The following PDE1C variants were observed in gnomAD, a reference collection of about 807,000 sequenced individuals.
PDE1C encodes phosphodiesterase 1C.
In PDE1C, 62 loss-of-function variants were observed where a neutral mutation model predicts 93.1. The ratio of observed to expected loss-of-function variants is 0.67; its 90% CI spans 0.54 to 0.82. PDE1C has a LOEUF of 0.82. Among genes scored for constraint, PDE1C ranks in the 40% least tolerant of loss-of-function variants. The pLI is 0.00. For missense variants in PDE1C, 742 were observed against 884.6 expected, an observed-to-expected ratio of 0.84 and a Z score of 2.04; for synonymous variants, 325 against 310.1, an observed-to-expected ratio of 1.05 and a Z score of -0.50.
rs1472277176 is a variant in PDE1C, at chr7:32,222,911, G to T, written c.86-13372C>A. ...ACAAAATTCATCAGGACAAAAATGTGACAGTACCCTTGTTTCTATTCTTTC... is the reference window on the plus strand; with the variant it reads ...ACAAAATTCATCAGGACAAAAATGTTACAGTACCCTTGTTTCTATTCTTTC... On this transcript the variant is annotated intron_variant, in intron 1 of 18. Coordinates refer to the PDE1C transcript ENST00000396193. Among the ~76,000 whole-genome samples the T allele has an allele frequency of 2.6e-5, 4 of 152,102 alleles. No individual in the cohort carries two copies. In the East Asian group the frequency reaches 7.7e-4, roughly 29 times the overall value.
the PDE1C span, among the ~76,000 whole-genome samples, chr7:31,663,801 A>G: frequency 1.3e-5 from 2 of 152,156 alleles, no homozygotes; most frequent in Admixed American, 6.5e-5. Flanking sequence ...TAAGTTCTTT[A>G]TATGCATAAT....
At chr7:32,225,563 C>A (rs1390064279) in intron 1 of PDE1C, among the ~76,000 whole-genome samples, 2 of 152,078 alleles carry the variant, frequency 1.3e-5, no homozygotes, top group Non-Finnish European at 2.9e-5. Context: ...GAGATTGGAA[C>A]AAGACCCTGA....
intron 3 of PDE1C, among the ~76,000 whole-genome samples, chr7:32,157,027 C>T (rs188717224): frequency 1.5e-3 from 226 of 152,230 alleles, no homozygotes; most frequent in Non-Finnish European, 2.1e-3. Context: ...ATGTAGTATC[C>T]CTGTCAAATG....
chr7:31,830,852 T>C (rs1222380495), intron 11 of PDE1C, among the ~76,000 whole-genome samples: 4 of 152,336 alleles, frequency 2.6e-5, no homozygotes, highest in South Asian at 2.1e-4. Flanking sequence ...GAATACGGTC[T>C]AAAATCATTG....
intron 2 of PDE1C, among the ~76,000 whole-genome samples, chr7:32,020,095 G>A (rs534681521): frequency 5.9e-5 from 9 of 152,184 alleles, no homozygotes; most frequent in Middle Eastern, 3.4e-3. Context: ...AGCCCATGCC[G>A]GGATCCCTCA....
chr7:32,411,708 A>G (rs1019957042), intron 1 of PDE1C, among the ~76,000 whole-genome samples: 6 of 152,132 alleles, frequency 3.9e-5, no homozygotes, highest in Non-Finnish European at 7.3e-5. Context: ...TTCCTCAGTA[A>G]TAAGCTAACC....
chr7:31,782,958 G>T (rs180686601), intron 16 of PDE1C, among the ~76,000 whole-genome samples: 37 of 152,302 alleles, frequency 2.4e-4, no homozygotes, highest in African/African-American at 8.7e-4. Context: ...AACACAGCTG[G>T]TAGGTTAGGC....
chr7:32,195,749 T>C (rs1172285562), intron 2 of PDE1C, among the ~76,000 whole-genome samples: 1 of 152,196 alleles, frequency 6.6e-6, no homozygotes, highest in Non-Finnish European at 1.5e-5. Context: ...TTCAGGTTTA[T>C]CCTGTTTGAA....
At chr7:31,956,588 A>T (rs74949007) in intron 2 of PDE1C, among the ~76,000 whole-genome samples, 1,533 of 151,924 alleles carry the variant, frequency 0.01, 21 homozygotes, top group African/African-American at 0.035. Context: ...CCTTCTTTAG[A>T]TAGGTTACAC....
chr7:31,635,576 A>G, the PDE1C span, among the ~76,000 whole-genome samples: 1 of 152,202 alleles, frequency 6.6e-6, no homozygotes, highest in South Asian at 2.1e-4. Flanking sequence ...TATCACAAGT[A>G]TACCTCTTTT....
intron 16 of PDE1C, among the ~76,000 whole-genome samples, chr7:31,802,478 C>A: frequency 6.6e-6 from 1 of 151,640 alleles, no homozygotes; most frequent in South Asian, 2.1e-4. Flanking sequence ...TTAGAAAAAT[C>A]GTATATATTT....
At chr7:31,915,480 T>A (rs1162307643) in intron 2 of PDE1C, among the ~76,000 whole-genome samples, 2 of 152,222 alleles carry the variant, frequency 1.3e-5, no homozygotes, top group Admixed American at 1.3e-4. Flanking sequence ...GTGTTAATAT[T>A]GACAAAATTG....
chr7:32,010,665 G>C (rs1040360729), intron 2 of PDE1C, among the ~76,000 whole-genome samples: 3 of 152,198 alleles, frequency 2.0e-5, no homozygotes, highest in Non-Finnish European at 4.4e-5. Context: ...AATTATGGAG[G>C]CTAGAAGTCC....
At chr7:31,807,099 G>C (rs953328240) in intron 16 of PDE1C, among the ~76,000 whole-genome samples, 17 of 151,788 alleles carry the variant, frequency 1.1e-4, no homozygotes, top group African/African-American at 3.1e-4. Flanking sequence ...GAAGCTCAAT[G>C]CTCTAAGTTC....
At chr7:31,936,523 C>A (rs1446626108) in intron 2 of PDE1C, among the ~76,000 whole-genome samples, 2 of 151,970 alleles carry the variant, frequency 1.3e-5, no homozygotes, top group African/African-American at 4.8e-5. Flanking sequence ...AGCATGCGAG[C>A]AGGACGTGCC....
chr7:32,264,403 A>T (rs181376337), intron 1 of PDE1C, among the ~76,000 whole-genome samples: 75 of 152,264 alleles, frequency 4.9e-4, no homozygotes, highest in African/African-American at 1.7e-3. Flanking sequence ...AGATTGAGGG[A>T]TTAGTTAATA....
intron 1 of PDE1C, among the ~76,000 whole-genome samples, chr7:32,289,529 A>T (rs538194629): frequency 2.6e-5 from 4 of 152,322 alleles, no homozygotes; most frequent in South Asian, 2.1e-4. Context: ...CACCATATAC[A>T]CTACAAAAAT....
intron 3 of PDE1C, among the ~76,000 whole-genome samples, chr7:32,112,825 T>A (rs1031824359): frequency 3.2e-5 from 3 of 93,524 alleles, no homozygotes; most frequent in African/African-American, 1.8e-4. Context: ...TGTGTGTGTG[T>A]GTGTGTGTGT....
chr7:31,654,299 C>A, the PDE1C span, among the ~76,000 whole-genome samples: 1 of 152,002 alleles, frequency 6.6e-6, no homozygotes, highest in Admixed American at 6.6e-5. Context: ...TTAACAGGCC[C>A]CCAGATGTAG....
Sources: allele counts gnomAD v4.1 joint callset (sites outside exome capture counted in the v4.1 genomes callset), GRCh38; gene constraint gnomAD v4.1.1; transcripts MANE v1.5; gene names NCBI Gene and HGNC (gene_info 2026-07-23, HGNC 2026-07-21).